The following ARFGEF1 variants were observed in gnomAD, a reference collection of about 807,000 sequenced individuals.
ARFGEF1 encodes ARF guanine nucleotide exchange factor 1, also known as brefeldin A-inhibited guanine nucleotide-exchange protein 1.
Under a neutral mutation model 231.0 loss-of-function variants are expected in ARFGEF1, and 42 were observed. That is an observed-to-expected ratio of 0.18 (90% CI 0.14 to 0.24). The LOEUF is 0.24. Among genes scored for constraint, ARFGEF1 ranks in the 10% least tolerant of loss-of-function variants. The pLI is 1.00. For missense variants in ARFGEF1, 1,345 were observed against 2,192.0 expected (o/e 0.61, Z 7.72); for synonymous variants, 710 against 732.3 (o/e 0.97, Z 0.49).
chr8:67,244,313 G>GTT (rs1322146467), intron 19 of ARFGEF1, among the ~76,000 whole-genome samples: 3 of 83,518 alleles, frequency 3.6e-5, no homozygotes, highest in African/African-American at 1.4e-4. Flanking sequence ...TGTTGTTGTT[G>GTT]TTGTTTTTTT....
chr8:67,201,801 T>C, intron 36 of ARFGEF1, 196 bp from the exon 37 acceptor site: 1 of 646,404 alleles, frequency 1.5e-6, no homozygotes, highest in South Asian at 2.1e-5. Context: ...GGATATGAGA[T>C]ATAAAAAAAC....
intron 21 of ARFGEF1, 110 bp from the exon 22 acceptor site, chr8:67,238,603 TA>T: frequency 1.4e-6 from 2 of 1,413,490 alleles, no homozygotes; most frequent in Non-Finnish European, 1.9e-6. Flanking sequence ...TAGATTATTT[TA>T]AAAAGCTAAA....
At chr8:67,211,786 G>A (rs1838761149) in intron 33 of ARFGEF1, among the ~76,000 whole-genome samples, 171 bp from the exon 34 acceptor site, 1 of 152,146 alleles carries the variant, frequency 6.6e-6, no homozygotes, top group Admixed American at 6.5e-5. Context: ...TGTACATAGA[G>A]AAAAGTTGAC....
intron 37 of ARFGEF1, 81 bp from the exon 38 acceptor site, chr8:67,200,594 A>C: frequency 2.5e-6 from 2 of 810,508 alleles, no homozygotes; most frequent in Non-Finnish European, 4.1e-6. Flanking sequence ...AATCATGAAC[A>C]TAGTAGTGAA....
At chr8:67,330,159 A>C (rs1007898391) in intron 1 of ARFGEF1, among the ~76,000 whole-genome samples, 4 of 152,132 alleles carry the variant, frequency 2.6e-5, no homozygotes, top group East Asian at 1.9e-4. Flanking sequence ...TTCTTAGAGA[A>C]ACCATAATTT....
chr8:67,283,207 T>C (rs909194091), intron 7 of ARFGEF1, among the ~76,000 whole-genome samples: 1 of 152,190 alleles, frequency 6.6e-6, no homozygotes, highest in African/African-American at 2.4e-5. Context: ...ACAAATTTTT[T>C]AATATTCATA....
At chr8:67,343,102 C>CCGGGG in intron 1 of ARFGEF1, 62 bp downstream of exon 1, 2 of 560,588 alleles carry the variant, frequency 3.6e-6, no homozygotes, top group Non-Finnish European at 5.4e-6. Context: ...CACCCCCCCA[C>CCGGGG]AGGCGCCCCC....
chr8:67,206,302 C>T (rs921017639), intron 34 of ARFGEF1, among the ~76,000 whole-genome samples: 10 of 150,040 alleles, frequency 6.7e-5, no homozygotes, highest in African/African-American at 1.7e-4. Context: ...CCCAGCTACT[C>T]GGGAGGCTGA....
chr8:67,193,091 T>A (rs910099477), downstream of ARFGEF1, among the ~76,000 whole-genome samples: 5 of 152,210 alleles, frequency 3.3e-5, no homozygotes, highest in African/African-American at 9.6e-5. Context: ...CAGTGTACAT[T>A]TGAGGGCAAG....
downstream of ARFGEF1, chr8:67,174,668 G>A (rs939341633): frequency 2.6e-5 from 4 of 152,450 alleles, no homozygotes; most frequent in African/African-American, 9.7e-5. Flanking sequence ...GGGAGACTGA[G>A]GCAGGAGAAT....
chr8:67,213,788 G>C (rs930177828), intron 33 of ARFGEF1, among the ~76,000 whole-genome samples: 3 of 152,202 alleles, frequency 2.0e-5, no homozygotes, highest in Non-Finnish European at 4.4e-5. Context: ...TCCCGCCTGT[G>C]AACTGCAGCT....
chr8:67,288,728 G>A (rs555994917), intron 6 of ARFGEF1, among the ~76,000 whole-genome samples: 47 of 151,346 alleles, frequency 3.1e-4, no homozygotes, highest in African/African-American at 1.1e-3. Flanking sequence ...GCAAGACGAC[G>A]TCTCAAAAAA....
At chr8:67,311,018 G>A (rs377559950) in intron 1 of ARFGEF1, among the ~76,000 whole-genome samples, 3,235 of 139,886 alleles carry the variant, frequency 0.023, 68 homozygotes, top group South Asian at 0.048. Context: ...CAGCCGCCCC[G>A]TCTGGGAGGT....
chr8:67,231,226 T>C (rs1209068326), intron 23 of ARFGEF1, among the ~76,000 whole-genome samples: 1 of 152,072 alleles, frequency 6.6e-6, no homozygotes, highest in Non-Finnish European at 1.5e-5. Flanking sequence ...AATGGGAAAG[T>C]GAAATGTACC....
At chr8:67,327,586 C>T (rs1170726767) in intron 1 of ARFGEF1, among the ~76,000 whole-genome samples, 1 of 152,120 alleles carries the variant, frequency 6.6e-6, no homozygotes, top group Non-Finnish European at 1.5e-5. Context: ...TCCCAAAGTG[C>T]TGGGATTACA....
Position 67,238,299 on chromosome 8 carries a change from G to A in ARFGEF1, c.3289+44C>T, listed in dbSNP as rs762232507. 5 of 1,528,744 alleles carry A rather than the reference G, an allele frequency of 3.3e-6. 1 individual carries two copies. Among genetic ancestry groups the A allele is most frequent in the Admixed American group, 4.3e-5 (2 of 46,668 alleles). 94.7% of individuals were successfully genotyped at this position (1,528,744 alleles called of 1,614,324 possible). A position where few individuals can be genotyped will look rare whatever the true frequency, so the allele number is the denominator to read the frequency against. On this transcript the variant is annotated intron_variant, in intron 22 of 38. Transcript: ENST00000262215. Reference sequence around the variant, plus strand: ...TTACTACAATAAAGTGACTTATAATGAGGAAGTTAAAAACAATTTTTGATA... The same window carrying A: ...TTACTACAATAAAGTGACTTATAATAAGGAAGTTAAAAACAATTTTTGATA...
rs1806882171 is a variant in ARFGEF1, at chr8:67,309,199, A to C, written c.125-6733T>G. On this transcript the variant is annotated intron_variant, in intron 1 of 38. Coordinates refer to ENST00000262215, the MANE Select transcript of ARFGEF1 (RefSeq NM_006421.5). ...GACACATGATTTTACTTGTATGTGGAATCTAAAAAAGTCAAACTCATAGAA... is the reference window on the plus strand; with the variant it reads ...GACACATGATTTTACTTGTATGTGGCATCTAAAAAAGTCAAACTCATAGAA... 1.3e-5 allele frequency among the ~76,000 whole-genome samples: 2 copies of C among 152,218 alleles called. 1 individual carries two copies. The highest frequency in any genetic ancestry group is 4.1e-4 in the South Asian group (2 of 4,832).
chr8:67,343,479 C>A lies in ARFGEF1; in HGVS notation c.-192G>T. On this transcript the variant is annotated 5_prime_UTR_variant, in exon 1 of 39. Transcript: ENST00000262215. Reference sequence around the variant, plus strand: ...CAGCCGCGGTGTCGGCGAAGGGCGTCGAGGTCCTCGCCGCCCCCAAGAAGC... The same window carrying A: ...CAGCCGCGGTGTCGGCGAAGGGCGTAGAGGTCCTCGCCGCCCCCAAGAAGC... 1.5e-6 allele frequency: 2 copies of A among 1,299,028 alleles called. No individual in the cohort carries two copies. The highest frequency in any genetic ancestry group is 4.3e-5 in the South Asian group (2 of 46,622). The allele number at this position is 1,299,028 out of a possible 1,614,324, so 80.5% of individuals were successfully genotyped here.
rs556036984 is a variant in ARFGEF1, at chr8:67,197,900, C to G, written c.*1034G>C. 32 of 985,824 alleles carry G rather than the reference C, an allele frequency of 3.2e-5. No homozygotes were observed. In the African/African-American group the frequency reaches 5.4e-4, roughly 17 times the overall value. 61.1% of individuals were successfully genotyped at this position (985,824 alleles called of 1,614,324 possible). The stretch of plus-strand genomic sequence containing the variant: ...CACAATTCACAGTATGAATACATTT[C>G]CAGTAAATCTAACCTCCGCAAACCA... On this transcript the variant is annotated 3_prime_UTR_variant, in exon 39 of 39. Coordinates refer to ENST00000262215, the MANE Select transcript of ARFGEF1 (RefSeq NM_006421.5).
Sources: gnomAD v4.1 joint callset for allele counts (sites outside exome capture counted in the v4.1 genomes callset) on GRCh38, gnomAD v4.1.1 for gene constraint, MANE v1.5 for transcripts, NCBI Gene and HGNC (gene_info 2026-07-23, HGNC 2026-07-21) for gene names.